RBMS3: variants seen among roughly 807,000 people sequenced by gnomAD.
The protein encoded by RBMS3 is RNA binding motif single stranded interacting protein 3.
A neutral mutation model predicts 66.8 loss-of-function variants in RBMS3; 27 were observed. That is an observed-to-expected ratio of 0.40 (90% CI 0.30 to 0.56). The LOEUF is 0.56. Ranked by LOEUF, RBMS3 falls within the 20% of genes least tolerant of loss-of-function variation. RBMS3 has a pLI of 0.40. For missense variants in RBMS3, 513 were observed against 549.5 expected (o/e 0.93, Z 0.66); for synonymous variants, 188 against 183.0 (o/e 1.03, Z -0.22).
chr3:29,624,326 C>T (rs2048978903), intron 4 of RBMS3, among the ~76,000 whole-genome samples: 1 of 152,180 alleles, frequency 6.6e-6, no homozygotes, highest in Admixed American at 6.5e-5. Flanking sequence ...ACAAAACCCC[C>T]TGAAATTTAT....
At chr3:29,943,555 T>C (rs1208975824) in intron 11 of RBMS3, among the ~76,000 whole-genome samples, 1 of 151,816 alleles carries the variant, frequency 6.6e-6, no homozygotes, top group Non-Finnish European at 1.5e-5. Context: ...ACACCTTCAA[T>C]GCTAGGAGAC....
Position 29,511,965 on chromosome 3 carries a change from C to T in RBMS3, c.307+23466C>T, listed in dbSNP as rs150089506. On this transcript the variant is annotated intron_variant, in intron 3 of 14. Coordinates refer to ENST00000383767, the MANE Select transcript of RBMS3 (RefSeq NM_001003793.3). ...AGTAAAAGGCAAGCGTTCCCAGTAACATTTGGTTTAAATTTGCATGCAATT... is the reference window on the plus strand; with the variant it reads ...AGTAAAAGGCAAGCGTTCCCAGTAATATTTGGTTTAAATTTGCATGCAATT... Among the ~76,000 whole-genome samples the T allele has an allele frequency of 2.0e-3, 300 of 152,228 alleles. 1 individual carries two copies. Among genetic ancestry groups the T allele is most frequent in the Non-Finnish European group, 3.4e-3 (234 of 68,014 alleles).
chr3:29,719,239 A>G (rs974733384), intron 4 of RBMS3, among the ~76,000 whole-genome samples: 1 of 152,166 alleles, frequency 6.6e-6, no homozygotes, highest in African/African-American at 2.4e-5. Flanking sequence ...ACGCTGTGAA[A>G]ATGTTCCTTA....
chr3:29,476,786 A>G (rs1575941917), intron 2 of RBMS3, among the ~76,000 whole-genome samples: 2 of 152,136 alleles, frequency 1.3e-5, no homozygotes, highest in East Asian at 3.9e-4. Context: ...GGAACTAGTT[A>G]TTTCTGCATT....
intron 14 of RBMS3, among the ~76,000 whole-genome samples, chr3:29,992,592 A>G (rs11716434): frequency 0.15 from 22,875 of 151,398 alleles, 1,945 homozygotes; most frequent in Middle Eastern, 0.22. Context: ...ACAGAGCAAG[A>G]CTCCGTCTCA....
chr3:29,323,857 G>A (rs1351696799), intron 1 of RBMS3, among the ~76,000 whole-genome samples: 3 of 151,784 alleles, frequency 2.0e-5, no homozygotes, highest in African/African-American at 7.3e-5. Context: ...CATGAACTAA[G>A]CTTTTTAAGA....
chr3:29,844,277 A>G (rs1198598632), intron 6 of RBMS3, among the ~76,000 whole-genome samples: 1 of 152,090 alleles, frequency 6.6e-6, no homozygotes, highest in Non-Finnish European at 1.5e-5. Flanking sequence ...TTGTGCCTAT[A>G]ATCTGTTCCC....
At chr3:29,818,265 G>A (rs762448575) in intron 6 of RBMS3, among the ~76,000 whole-genome samples, 12 of 151,666 alleles carry the variant, frequency 7.9e-5, no homozygotes, top group East Asian at 1.9e-4. Flanking sequence ...ACAGTATACC[G>A]CATTGTTTTT....
At chr3:29,574,910 T>A (rs1183308355) in intron 3 of RBMS3, among the ~76,000 whole-genome samples, 1 of 152,088 alleles carries the variant, frequency 6.6e-6, no homozygotes, top group Non-Finnish European at 1.5e-5. Flanking sequence ...CCCTGCTTTT[T>A]AACTTTTTGT....
chr3:29,988,694 A>G (rs906204145), intron 13 of RBMS3, among the ~76,000 whole-genome samples: 1 of 152,170 alleles, frequency 6.6e-6, no homozygotes, highest in Non-Finnish European at 1.5e-5. Context: ...ATGCTGAGAC[A>G]GGAGGATCTC....
intron 6 of RBMS3, among the ~76,000 whole-genome samples, chr3:29,815,882 A>G (rs201794312): frequency 6.6e-6 from 1 of 152,074 alleles, no homozygotes; most frequent in Non-Finnish European, 1.5e-5. Context: ...AGAAATCACC[A>G]CTGAAGAACT....
At chr3:29,912,728 A>G (rs977896369) in intron 10 of RBMS3, among the ~76,000 whole-genome samples, 1 of 152,186 alleles carries the variant, frequency 6.6e-6, no homozygotes, top group East Asian at 1.9e-4. Context: ...TCAGGTATGT[A>G]AGTTTCTTAT....
intron 5 of RBMS3, among the ~76,000 whole-genome samples, chr3:29,744,475 C>T (rs2054787097): frequency 6.6e-6 from 1 of 152,142 alleles, no homozygotes; most frequent in African/African-American, 2.4e-5. Flanking sequence ...GTTTACAGTT[C>T]CACAGGCATT....
intron 14 of RBMS3, among the ~76,000 whole-genome samples, chr3:30,001,354 A>G (rs1699599421): frequency 6.6e-6 from 1 of 152,052 alleles, no homozygotes. Context: ...CTCCTCTAAA[A>G]TAGATTTCTA....
At chr3:29,728,445 T>TA (rs1163948641) in intron 4 of RBMS3, among the ~76,000 whole-genome samples, 1 of 152,108 alleles carries the variant, frequency 6.6e-6, no homozygotes, top group East Asian at 1.9e-4. Flanking sequence ...TCTTTTAAAA[T>TA]AAAAAAATAG....
intron 1 of RBMS3, among the ~76,000 whole-genome samples, chr3:29,362,283 G>T (rs1042450258): frequency 4.6e-5 from 7 of 152,174 alleles, no homozygotes; most frequent in African/African-American, 1.2e-4. Flanking sequence ...ACCCTCAGCT[G>T]CAGGTCTGTT....
intron 1 of RBMS3, among the ~76,000 whole-genome samples, chr3:29,344,540 A>G (rs2036463821): frequency 6.6e-6 from 1 of 152,208 alleles, no homozygotes; most frequent in African/African-American, 2.4e-5. Flanking sequence ...TAGCTTCATA[A>G]GACTCTTGTG....
At position 30,005,194 on chromosome 3, in the gene RBMS3, T is replaced by C. The variant is rs1699774446; in HGVS notation, c.*1332T>C. On this transcript the variant is annotated 3_prime_UTR_variant, in exon 15 of 15. Transcript: ENST00000383767. ...TACCTTCCACTGGTGTTTTACATAG[T>C]GCAAAAAAAAAAAGAGGGTGGGGGG... 9 of 74,564 alleles carry C rather than the reference T, an allele frequency of 1.2e-4. No homozygotes were observed. In the South Asian group the frequency reaches 3.2e-3, roughly 26 times the overall value. The allele number at this position is 74,564 out of a possible 1,614,324, so 4.6% of individuals were successfully genotyped here.
At chr3:29,401,647 G>A (rs950968264) in intron 1 of RBMS3, among the ~76,000 whole-genome samples, 1 of 152,050 alleles carries the variant, frequency 6.6e-6, no homozygotes, top group Non-Finnish European at 1.5e-5. Flanking sequence ...AAGGAGCATG[G>A]GCATATAGAA....
Sources: gnomAD v4.1 joint callset for allele counts (sites outside exome capture counted in the v4.1 genomes callset) on GRCh38, gnomAD v4.1.1 for gene constraint, MANE v1.5 for transcripts, NCBI Gene and HGNC (gene_info 2026-07-23, HGNC 2026-07-21) for gene names.